Variants in ESRRG observed in about 807,000 individuals in gnomAD.
ESRRG encodes the protein estrogen-related receptor gamma.
In ESRRG, 13 loss-of-function variants were observed where a neutral mutation model predicts 44.0. The ratio of observed to expected loss-of-function variants is 0.30; its 90% confidence interval spans 0.19 to 0.47. The LOEUF (loss-of-function observed/expected upper bound fraction) is 0.47, where lower values mean the gene tolerates loss of function less well. ESRRG is among the 20% of genes least tolerant of loss of function. The probability of loss-of-function intolerance (pLI) is 1.00; values close to 1 mark genes in which losing one functional copy is unlikely to be tolerated. For synonymous variants in ESRRG, 215 were observed against 214.6 expected (o/e 1.00, Z -0.02); for missense variants, 395 against 580.6 (o/e 0.68, Z 3.29).
intron 3 of ESRRG, among the ~76,000 whole-genome samples, chr1:216,576,835 C>T (rs572706288): frequency 6.6e-6 from 1 of 151,658 alleles, no homozygotes; most frequent in South Asian, 2.1e-4. Flanking sequence ...TCATCTGCAA[C>T]AGGTGACAAG....
At chr1:216,544,516 G>A (rs1188501673) in intron 5 of ESRRG, among the ~76,000 whole-genome samples, 1 of 151,920 alleles carries the variant, frequency 6.6e-6, no homozygotes, top group Non-Finnish European at 1.5e-5. Flanking sequence ...TCAGTGCTAG[G>A]CTTTTTGGTG....
intron 1 of ESRRG, among the ~76,000 whole-genome samples, chr1:217,042,805 G>T (rs1477317669): frequency 6.6e-6 from 1 of 152,048 alleles, no homozygotes; most frequent in Non-Finnish European, 1.5e-5. Flanking sequence ...CTCTGATTTG[G>T]CAAGGAGTGG....
chr1:216,779,230 A>AAT lies in ESRRG; in HGVS notation c.-13-101741_-13-101740dup, dbSNP rs1370734329. On this transcript the variant is annotated intron_variant, in intron 2 of 7. Transcript: ENST00000359162. Reference sequence around the variant, plus strand: ...ATATAAATATATATTTATATTTATAAATATAAATATATATTTATATTTATA... The same window carrying AAT: ...ATATAAATATATATTTATATTTATAAATATATAAATATATATTTATATTTATA... Among the ~76,000 whole-genome samples the AAT allele has an allele frequency of 9.0e-4, 36 of 40,150 alleles. 2 individuals carry two copies. The highest frequency in any genetic ancestry group is 3.0e-3 in the South Asian group (4 of 1,352). 26.3% of individuals were successfully genotyped at this position (40,150 alleles called of 152,430 possible).
At chr1:216,985,030 G>A (rs2074636321) in intron 1 of ESRRG, among the ~76,000 whole-genome samples, 1 of 152,166 alleles carries the variant, frequency 6.6e-6, no homozygotes. Context: ...GCTAAAGTAT[G>A]GCTCCAGTTT....
At chr1:216,841,738 A>T (rs191076022) in intron 2 of ESRRG, among the ~76,000 whole-genome samples, 73 of 152,322 alleles carry the variant, frequency 4.8e-4, no homozygotes, top group African/African-American at 1.7e-3. Flanking sequence ...AAGACAAAAA[A>T]GGCAAGTGTC....
At chr1:216,896,596 A>G (rs2058449485) in intron 2 of ESRRG, among the ~76,000 whole-genome samples, 1 of 152,158 alleles carries the variant, frequency 6.6e-6, no homozygotes, top group South Asian at 2.1e-4. Flanking sequence ...CTGAAGCAAA[A>G]CATGTTTATT....
intron 3 of ESRRG, among the ~76,000 whole-genome samples, chr1:216,648,260 A>C (rs1382289632): frequency 6.6e-6 from 1 of 152,178 alleles, no homozygotes; most frequent in African/African-American, 2.4e-5. Flanking sequence ...AGTATAATAG[A>C]AAAAGAATAT....
chr1:216,694,107 C>T (rs1216901833), intron 1 of ESRRG, among the ~76,000 whole-genome samples: 1 of 152,132 alleles, frequency 6.6e-6, no homozygotes, highest in Non-Finnish European at 1.5e-5. Flanking sequence ...TTGAGTTCAC[C>T]AGCACTGTCA....
intron 2 of ESRRG, among the ~76,000 whole-genome samples, chr1:216,914,365 C>T (rs991861518): frequency 1.3e-5 from 2 of 152,080 alleles, no homozygotes; most frequent in African/African-American, 4.8e-5. Context: ...TTATATGAGC[C>T]TCATCACACA....
At chr1:216,544,950 C>T (rs2054034343) in intron 5 of ESRRG, among the ~76,000 whole-genome samples, 1 of 151,752 alleles carries the variant, frequency 6.6e-6, no homozygotes, top group South Asian at 2.1e-4. Context: ...TAGAAAATGA[C>T]AATAAGAATT....
At chr1:216,951,193 C>T (rs2066890528) in intron 1 of ESRRG, among the ~76,000 whole-genome samples, 1 of 152,162 alleles carries the variant, frequency 6.6e-6, no homozygotes, top group African/African-American at 2.4e-5. Flanking sequence ...ACTGATGTCA[C>T]TATTTATAGC....
chr1:216,809,325 T>A (rs1261540449), intron 2 of ESRRG, among the ~76,000 whole-genome samples: 38 of 119,072 alleles, frequency 3.2e-4, no homozygotes, highest in Middle Eastern at 4.3e-3. Flanking sequence ...TTTTTTACAG[T>A]AAAAAAAAAA....
intron 2 of ESRRG, among the ~76,000 whole-genome samples, chr1:216,880,097 C>G (rs1239512518): frequency 1.3e-5 from 2 of 151,742 alleles, no homozygotes; most frequent in African/African-American, 4.8e-5. Context: ...CATTTGAGGT[C>G]AAGAGTTTGA....
chr1:216,840,530 T>C (rs1378619848), intron 2 of ESRRG, among the ~76,000 whole-genome samples: 1 of 152,216 alleles, frequency 6.6e-6, no homozygotes, highest in Non-Finnish European at 1.5e-5. Context: ...AACTTTCCTT[T>C]ACATTCACAA....
chr1:216,751,966 C>A (rs1030177119), intron 2 of ESRRG, among the ~76,000 whole-genome samples: 10 of 152,188 alleles, frequency 6.6e-5, no homozygotes, highest in African/African-American at 2.4e-4. Flanking sequence ...GTAGAATGGG[C>A]TCTGCCATCT....
intron 2 of ESRRG, among the ~76,000 whole-genome samples, chr1:216,775,476 G>A (rs754929515): frequency 6.9e-6 from 1 of 145,216 alleles, no homozygotes; most frequent in Non-Finnish European, 1.5e-5. Flanking sequence ...TCATGTTGGT[G>A]AACCACACCA....
chr1:217,081,807 C>T (rs1163434427), intron 1 of ESRRG, among the ~76,000 whole-genome samples: 1 of 152,124 alleles, frequency 6.6e-6, no homozygotes, highest in Non-Finnish European at 1.5e-5. Context: ...ATTTATAATA[C>T]TATTTCTAAG....
rs549096981 is a variant in ESRRG, at chr1:216,597,347, G to A, written c.590-29249C>T. Among the ~76,000 whole-genome samples, 5 of 152,206 alleles carry A rather than the reference G, an allele frequency of 3.3e-5. No individual in the cohort carries two copies. The East Asian group carries it at 5.8e-4, about 18-fold the overall frequency. Reference sequence around the variant, plus strand: ...TAGACCCTAGAAGGAGTATAAGAAAGAAAACTGAACTCTTTCTGGAGAGGT... The same window carrying A: ...TAGACCCTAGAAGGAGTATAAGAAAAAAAACTGAACTCTTTCTGGAGAGGT... On this transcript the variant is annotated intron_variant, in intron 3 of 6. Coordinates refer to ENST00000408911, the MANE Select transcript of ESRRG (RefSeq NM_001438.4).
chr1:216,843,224 A>T (rs889138401), intron 2 of ESRRG, among the ~76,000 whole-genome samples: 15 of 151,700 alleles, frequency 9.9e-5, no homozygotes, highest in Admixed American at 8.5e-4. Context: ...TTTTTTTTTA[A>T]TATTTTATAT....
Sources: gnomAD v4.1 joint callset for allele counts (sites outside exome capture counted in the v4.1 genomes callset) on GRCh38, gnomAD v4.1.1 for gene constraint, MANE v1.5 for transcripts, NCBI Gene and HGNC (gene_info 2026-07-23, HGNC 2026-07-21) for gene names.